DLG2: variants seen among roughly 807,000 people sequenced by gnomAD.
DLG2 encodes disks large homolog 2.
In DLG2, 45 loss-of-function variants were observed where a neutral mutation model predicts 132.5. That is an observed-to-expected ratio of 0.34 (90% CI 0.27 to 0.44). The LOEUF is 0.44. Among genes scored for constraint, DLG2 ranks in the 20% least tolerant of loss-of-function variants. DLG2 has a pLI of 1.00. For synonymous variants in DLG2, 424 were observed against 419.6 expected (o/e 1.01, Z -0.13); for missense variants, 1,045 against 1,196.9 (o/e 0.87, Z 1.87).
At chr11:84,350,179 C>CA (rs1456929389) in intron 7 of DLG2, among the ~76,000 whole-genome samples, 1 of 143,518 alleles carries the variant, frequency 7.0e-6, no homozygotes, top group Non-Finnish European at 1.5e-5. Flanking sequence ...CTTCGTCCCC[C>CA]CCCCCAAAAA....
intron 3 of DLG2, among the ~76,000 whole-genome samples, chr11:85,351,131 TG>T (rs917869934): frequency 1.3e-5 from 2 of 152,208 alleles, no homozygotes; most frequent in Non-Finnish European, 2.9e-5. Flanking sequence ...TCACATCCCA[TG>T]TAAGTTGTAT....
At chr11:83,541,515 G>A (rs904142742) in intron 20 of DLG2, among the ~76,000 whole-genome samples, 167 bp downstream of exon 20, 3 of 152,142 alleles carry the variant, frequency 2.0e-5, no homozygotes, top group Non-Finnish European at 4.4e-5. Context: ...GGAAAAAGAG[G>A]ATTTTTAATT....
At chr11:84,205,625 AAAT>A (rs1566925999) in intron 8 of DLG2, among the ~76,000 whole-genome samples, 1 of 152,112 alleles carries the variant, frequency 6.6e-6, no homozygotes, top group Non-Finnish European at 1.5e-5. Flanking sequence ...ATCATAAAGA[AAAT>A]AAAAAATATT....
chr11:84,457,298 C>T (rs970555752), intron 7 of DLG2, among the ~76,000 whole-genome samples: 1 of 151,044 alleles, frequency 6.6e-6, no homozygotes, highest in Non-Finnish European at 1.5e-5. Context: ...GACATAGTTC[C>T]TGACTTCAGG....
rs186059959 is a variant in DLG2, at chr11:84,958,691, T to C, written c.357+152970A>G. ...AGAGTAAACTCTGGTGGGAGTACTCTTTTGGGAGTTCTGCTCGCTGTCCAA... is the reference window on the plus strand; with the variant it reads ...AGAGTAAACTCTGGTGGGAGTACTCCTTTGGGAGTTCTGCTCGCTGTCCAA... On this transcript the variant is annotated intron_variant, in intron 6 of 27. Transcript: ENST00000376104. Among the ~76,000 whole-genome samples, 294 of 152,282 alleles carry C rather than the reference T, an allele frequency of 1.9e-3. 1 individual carries two copies. Among genetic ancestry groups the C allele is most frequent in the Non-Finnish European group, 3.4e-3 (233 of 68,012 alleles).
chr11:85,366,466 A>G (rs1285617051), intron 3 of DLG2, among the ~76,000 whole-genome samples: 2 of 152,168 alleles, frequency 1.3e-5, no homozygotes. Flanking sequence ...GAAACAGGAG[A>G]AACTTAGAAG....
Position 84,307,082 on chromosome 11 carries a change from A to G in DLG2, c.520-55791T>C, listed in dbSNP as rs540917969. 3.3e-5 allele frequency among the ~76,000 whole-genome samples: 5 copies of G among 152,320 alleles called. No individual in the cohort carries two copies. The East Asian group carries it at 9.7e-4, about 29-fold the overall frequency. On this transcript the variant is annotated intron_variant, in intron 7 of 27. Transcript: ENST00000376104. ...TTTGCAGCACTTTTCACAATAGCAAAGACATGGAATCAACCTAGGTGTCCA... is the reference window on the plus strand; with the variant it reads ...TTTGCAGCACTTTTCACAATAGCAAGGACATGGAATCAACCTAGGTGTCCA...
chr11:85,133,346 A>G (rs2075882982), intron 5 of DLG2, among the ~76,000 whole-genome samples: 1 of 152,244 alleles, frequency 6.6e-6, no homozygotes, highest in Non-Finnish European at 1.5e-5. Context: ...TTTGGATAAT[A>G]AAATGCTATT....
chr11:85,068,073 C>T (rs538607939), intron 6 of DLG2, among the ~76,000 whole-genome samples: 11 of 152,054 alleles, frequency 7.2e-5, no homozygotes, highest in Non-Finnish European at 1.6e-4. Flanking sequence ...TCAATAGATG[C>T]AGAAAAGGCC....
chr11:83,872,773 T>A (rs2063725926), intron 16 of DLG2, among the ~76,000 whole-genome samples: 1 of 152,222 alleles, frequency 6.6e-6, no homozygotes, highest in Non-Finnish European at 1.5e-5. Flanking sequence ...AAGTCTACTT[T>A]GTGCTGATGG....
chr11:85,250,603 C>T (rs1365476108), intron 4 of DLG2, among the ~76,000 whole-genome samples: 2 of 152,126 alleles, frequency 1.3e-5, no homozygotes, highest in African/African-American at 4.8e-5. Context: ...TTGTATGTAG[C>T]TTCTGCTACA....
chr11:84,783,579 T>C (rs2153916668), intron 6 of DLG2, among the ~76,000 whole-genome samples: 1 of 152,298 alleles, frequency 6.6e-6, no homozygotes, highest in Non-Finnish European at 1.5e-5. Flanking sequence ...TTTGTACTAA[T>C]CAATAAGAGT....
chr11:84,561,248 C>T (rs1380469350), intron 6 of DLG2, among the ~76,000 whole-genome samples: 5 of 152,006 alleles, frequency 3.3e-5, no homozygotes, highest in Admixed American at 3.3e-4. Context: ...AATTATCCTA[C>T]AAAAATAAAA....
At chr11:84,388,125 C>G (rs939431688) in intron 7 of DLG2, among the ~76,000 whole-genome samples, 22 of 152,282 alleles carry the variant, frequency 1.4e-4, no homozygotes, top group African/African-American at 5.3e-4. Flanking sequence ...AACAAACAGC[C>G]TCACTGACAA....
chr11:84,822,834 C>T (rs568177472), intron 6 of DLG2, among the ~76,000 whole-genome samples: 1 of 152,054 alleles, frequency 6.6e-6, no homozygotes, highest in African/African-American at 2.4e-5. Flanking sequence ...ATTTGATCCT[C>T]TGTCTAAATT....
At chr11:84,063,065 G>A (rs555934218) in intron 10 of DLG2, among the ~76,000 whole-genome samples, 12 of 152,036 alleles carry the variant, frequency 7.9e-5, no homozygotes, top group Non-Finnish European at 1.3e-4. Context: ...TTATGAAGCC[G>A]TGAGTTCAAG....
intron 6 of DLG2, among the ~76,000 whole-genome samples, chr11:84,796,003 T>C (rs1004186084): frequency 6.6e-6 from 1 of 152,180 alleles, no homozygotes; most frequent in African/African-American, 2.4e-5. Flanking sequence ...ATTCTGTGCC[T>C]GGCTCAACCT....
intron 7 of DLG2, among the ~76,000 whole-genome samples, chr11:84,300,606 A>C (rs1238246326): frequency 6.6e-6 from 1 of 152,138 alleles, no homozygotes; most frequent in African/African-American, 2.4e-5. Context: ...TTCCAGTCAA[A>C]AAATTAAGCA....
intron 8 of DLG2, among the ~76,000 whole-genome samples, chr11:84,171,207 C>T (rs938757480): frequency 2.1e-4 from 32 of 152,126 alleles, no homozygotes; most frequent in South Asian, 4.1e-4. Context: ...CTTGAGGAGG[C>T]TGATGTTCTT....
Sources: allele counts gnomAD v4.1 joint callset (sites outside exome capture counted in the v4.1 genomes callset), GRCh38; gene constraint gnomAD v4.1.1; transcripts MANE v1.5; gene names NCBI Gene and HGNC (gene_info 2026-07-23, HGNC 2026-07-21).